RNF125: variants seen among roughly 807,000 people sequenced by gnomAD.
RNF125 encodes the protein E3 ubiquitin-protein ligase RNF125.
RNF125 carries 21 observed loss-of-function variants against 26.0 expected under a neutral mutation model. That is an observed-to-expected ratio of 0.81 (90% confidence interval 0.57 to 1.16). RNF125 has a LOEUF of 1.16. RNF125 is among the 50% of genes most tolerant of loss of function. The probability of loss-of-function intolerance (pLI) is 0.00; values close to 1 mark genes in which losing one functional copy is unlikely to be tolerated. For synonymous variants in RNF125, 95 were observed against 109.2 expected (o/e 0.87, Z 0.81); for missense variants, 270 against 299.4 (o/e 0.90, Z 0.72).
chr18:32,043,275 C>G (rs962926570), intron 3 of RNF125, among the ~76,000 whole-genome samples: 2 of 152,176 alleles, frequency 1.3e-5, no homozygotes, highest in Non-Finnish European at 2.9e-5. Flanking sequence ...TGCTCTCTAG[C>G]AAAGATTGAT....
At chr18:32,031,212 C>T (rs1440793303) in intron 1 of RNF125, 1 of 151,704 alleles carries the variant, frequency 6.6e-6, no homozygotes, top group Non-Finnish European at 1.5e-5. Flanking sequence ...CTGGGAAGAA[C>T]TGAGGTTTCT....
At chr18:32,087,571 T>A in the RNF125 span, among the ~76,000 whole-genome samples, 7 of 151,622 alleles carry the variant, frequency 4.6e-5, no homozygotes, top group Admixed American at 3.3e-4. Context: ...TTCACAGAAG[T>A]CTTCTTCTGT....
intron 4 of RNF125, among the ~76,000 whole-genome samples, chr18:32,064,906 A>G (rs1048499679): frequency 6.6e-6 from 1 of 152,218 alleles, no homozygotes; most frequent in African/African-American, 2.4e-5. Context: ...GGTAAACACT[A>G]TAGTTATTCT....
chr18:32,040,857 T>A (rs536363871), intron 2 of RNF125, among the ~76,000 whole-genome samples: 1 of 152,172 alleles, frequency 6.6e-6, no homozygotes, highest in African/African-American at 2.4e-5. Flanking sequence ...ATGTGCAAAG[T>A]TGGATGTTAC....
Position 32,071,261 on chromosome 18 carries a change from A to G in RNF125, c.*2877A>G, listed in dbSNP as rs2039531514. Reference sequence around the variant, plus strand: ...GTGATTCTCCTGCCTCAGCCTCTCGAGTAGCTGGGATTACAAGTGGGCACC... The same window carrying G: ...GTGATTCTCCTGCCTCAGCCTCTCGGGTAGCTGGGATTACAAGTGGGCACC... On this transcript the variant is annotated 3_prime_UTR_variant, in exon 6 of 6. Coordinates refer to ENST00000217740, the MANE Select transcript of RNF125 (RefSeq NM_017831.4). 6.6e-6 allele frequency: 1 copy of G among 152,156 alleles called. No individual in the cohort carries two copies. Among genetic ancestry groups the G allele is most frequent in the Non-Finnish European group, 1.5e-5 (1 of 68,170 alleles). 9.4% of individuals were successfully genotyped at this position (152,156 alleles called of 1,614,324 possible).
At chr18:32,085,373 C>CAG in the RNF125 span, among the ~76,000 whole-genome samples, 6,265 of 128,638 alleles carry the variant, frequency 0.049, 156 homozygotes, top group South Asian at 0.086. Flanking sequence ...CTGCCAGAAG[C>CAG]AGAGAGAGAG....
intron 4 of RNF125, among the ~76,000 whole-genome samples, chr18:32,060,332 T>G (rs1033604311): frequency 6.6e-6 from 1 of 152,180 alleles, no homozygotes; most frequent in Non-Finnish European, 1.5e-5. Flanking sequence ...TAAAGACCTG[T>G]CATTGTTGCG....
At chr18:32,022,364 T>C (rs1468585286) in intron 1 of RNF125, among the ~76,000 whole-genome samples, 2 of 152,242 alleles carry the variant, frequency 1.3e-5, no homozygotes, top group African/African-American at 2.4e-5. Context: ...ACTAGCCAGA[T>C]GTGTGACCAC....
chr18:32,030,880 T>A (rs957143761), intron 1 of RNF125, among the ~76,000 whole-genome samples: 2 of 152,114 alleles, frequency 1.3e-5, no homozygotes, highest in Non-Finnish European at 2.9e-5. Context: ...TTATTTTATT[T>A]TTTAGAGATG....
intron 1 of RNF125, among the ~76,000 whole-genome samples, chr18:32,021,630 G>A (rs575065596): frequency 6.6e-6 from 1 of 152,234 alleles, no homozygotes; most frequent in African/African-American, 2.4e-5. Flanking sequence ...AAACTTTAAA[G>A]TTGTGCAAAA....
At chr18:32,041,080 T>C (rs2039211735) in intron 2 of RNF125, among the ~76,000 whole-genome samples, 1 of 152,170 alleles carries the variant, frequency 6.6e-6, no homozygotes, top group East Asian at 1.9e-4. Flanking sequence ...TGAAGCAGAG[T>C]GGGTCGGCCA....
chr18:32,050,726 A>C (rs1349063293), intron 4 of RNF125, among the ~76,000 whole-genome samples: 1 of 152,082 alleles, frequency 6.6e-6, no homozygotes, highest in Non-Finnish European at 1.5e-5. Flanking sequence ...AGACTGAATT[A>C]TGAGACCACT....
At chr18:32,068,099 C>T (rs1055148518) in intron 5 of RNF125, among the ~76,000 whole-genome samples, 199 bp from the exon 6 acceptor site, 2 of 152,032 alleles carry the variant, frequency 1.3e-5, no homozygotes, top group South Asian at 2.1e-4. Context: ...ACTAGTTAAT[C>T]GATAGACAAC....
intron 4 of RNF125, among the ~76,000 whole-genome samples, chr18:32,054,158 G>C (rs942254672): frequency 2.0e-5 from 3 of 148,402 alleles, no homozygotes; most frequent in Non-Finnish European, 3.0e-5. Flanking sequence ...CAGTGGCGTG[G>C]TCTCGGCTCG....
chr18:32,056,709 T>A (rs1391210278), intron 4 of RNF125, among the ~76,000 whole-genome samples: 1 of 143,370 alleles, frequency 7.0e-6, no homozygotes, highest in East Asian at 2.0e-4. Flanking sequence ...TCAAAAAAAA[T>A]TTAAAAAAAA....
intron 4 of RNF125, among the ~76,000 whole-genome samples, chr18:32,055,979 C>CAAAAAAAA (rs67968645): frequency 2.4e-4 from 19 of 78,850 alleles, no homozygotes; most frequent in African/African-American, 4.2e-4. Flanking sequence ...AACTCCATCT[C>CAAAAAAAA]AAAAAAAAAA....
chr18:32,082,666 C>T, the RNF125 span, among the ~76,000 whole-genome samples: 1,806 of 152,246 alleles, frequency 0.012, 32 homozygotes, highest in African/African-American at 0.041. Context: ...ATTTAGCAGC[C>T]CTGCTGACCT....
chr18:32,018,946 C>G lies in RNF125; in HGVS notation c.83C>G (p.Pro28Arg), dbSNP rs2038957963. Residue 28 changes from proline to arginine, a missense_variant, in exon 1 of 6, where the codon CCG becomes CGG. By Grantham distance (103) the Pro-to-Arg change is moderately radical (BLOSUM62 -2). Transcript: ENST00000217740. ...TARALERRRD[P>R]ELPVTSFDCA... is the part of the protein sequence containing the mutation. Reference sequence around the variant, plus strand: ...CGGGCCCTGGAGCGCAGGAGGGACCCGGAGTTGCCCGTCACGTCCTTCGAC... The same window carrying G: ...CGGGCCCTGGAGCGCAGGAGGGACCGGGAGTTGCCCGTCACGTCCTTCGAC... The G allele has an allele frequency of 6.2e-7, 1 of 1,613,440 alleles. No homozygotes were observed. The highest frequency in any genetic ancestry group is 8.5e-7 in the Non-Finnish European group (1 of 1,179,828).
chr18:32,029,046 CTG>C (rs2144442416), intron 1 of RNF125, among the ~76,000 whole-genome samples: 1 of 152,256 alleles, frequency 6.6e-6, no homozygotes, highest in Admixed American at 6.5e-5. Flanking sequence ...TTTCTTATCT[CTG>C]TATTTCTTTT....
Sources: allele counts gnomAD v4.1 joint callset (sites outside exome capture counted in the v4.1 genomes callset), GRCh38; gene constraint gnomAD v4.1.1; transcripts MANE v1.5; gene names NCBI Gene and HGNC (gene_info 2026-07-23, HGNC 2026-07-21).